Variants in AOX1 observed in about 807,000 individuals in gnomAD.
AOX1 encodes aldehyde oxidase.
A neutral mutation model predicts 169.5 loss-of-function variants in AOX1; 153 were observed. The ratio of observed to expected loss-of-function variants is 0.90; its 90% confidence interval spans 0.79 to 1.03. AOX1 has a LOEUF of 1.03. Ranked by LOEUF, AOX1 falls within the 50% of genes least tolerant of loss-of-function variation. The probability of loss-of-function intolerance (pLI) is 0.00; values close to 1 mark genes in which losing one functional copy is unlikely to be tolerated. For missense variants in AOX1, 1,656 were observed against 1,663.9 expected (o/e 1.00, Z 0.08); for synonymous variants, 562 against 581.9 (o/e 0.97, Z 0.49).
At chr2:200,659,099 G>C in intron 27 of AOX1, 66 bp from the exon 28 acceptor site, 1 of 1,522,676 alleles carries the variant, frequency 6.6e-7, no homozygotes, top group Non-Finnish European at 9.0e-7. Flanking sequence ...GTGTTACCAC[G>C]TGGGCATGTG....
At chr2:200,606,803 G>T (rs918698580) in intron 10 of AOX1, among the ~76,000 whole-genome samples, 1 of 152,114 alleles carries the variant, frequency 6.6e-6, no homozygotes, top group Non-Finnish European at 1.5e-5. Context: ...TGGTGTATTG[G>T]AATGCTTGTG....
rs1452988338 is a variant in AOX1, at chr2:200,609,124, A to G, written c.1048A>G (p.Arg350Gly). ...GGGAACTCTGGCTGGGTCCCAGATC[A>G]GGAACATGGCTGTATGTATCTGATG... ...HLGTLAGSQI[R>G]NMASLGGHII... is the part of the protein sequence containing the mutation. Residue 350 changes from arginine (R) to glycine (G), a missense_variant, in exon 11 of 35, where the codon AGG (arginine) becomes GGG (glycine). By Grantham distance (125) the Arg-to-Gly change is moderately radical (BLOSUM62 -2). Transcript: ENST00000374700. 1 of 1,613,978 alleles carries G rather than the reference A, an allele frequency of 6.2e-7. No homozygotes were observed. Among genetic ancestry groups the G allele is most frequent in the Non-Finnish European group, 8.5e-7 (1 of 1,180,002 alleles).
intron 20 of AOX1, among the ~76,000 whole-genome samples, chr2:200,629,894 C>A (rs1248252657): frequency 6.6e-6 from 1 of 151,958 alleles, no homozygotes; most frequent in Non-Finnish European, 1.5e-5. Flanking sequence ...TTGCTGCATA[C>A]CCCATTGATA....
At chr2:200,626,838 T>C (rs1180093137) in intron 19 of AOX1, among the ~76,000 whole-genome samples, 1 of 152,210 alleles carries the variant, frequency 6.6e-6, no homozygotes, top group Non-Finnish European at 1.5e-5. Context: ...GCTCTTCACG[T>C]CTTATTTCAT....
intron 19 of AOX1, among the ~76,000 whole-genome samples, chr2:200,625,409 A>G (rs1366814544): frequency 6.6e-6 from 1 of 152,186 alleles, no homozygotes; most frequent in Non-Finnish European, 1.5e-5. Flanking sequence ...CAATAAGCAA[A>G]TATAATAGAT....
chr2:200,612,771 T>A lies in AOX1; in HGVS notation c.1426T>A (p.Ser476Thr). The change falls in exon 14 of 35, where the codon TCC becomes ACC. Residue 476 changes from serine to threonine, a missense_variant. Transcript: ENST00000374700. The part of the protein sequence containing the change: ...VGPATICAKN[S>T]CQKLIGRHWN... ...TCCAGCCACCATCTGTGCCAAGAATTCCTGCCAGAAACTCATTGGAAGGTA... is the reference window on the plus strand; with the variant it reads ...TCCAGCCACCATCTGTGCCAAGAATACCTGCCAGAAACTCATTGGAAGGTA... 6.2e-7 allele frequency: 1 copy of A among 1,613,878 alleles called. No individual in the cohort carries two copies. Among genetic ancestry groups the A allele is most frequent in the Non-Finnish European group, 8.5e-7 (1 of 1,179,886 alleles).
At position 200,623,288 on chromosome 2, in the gene AOX1, C is replaced by T. The variant is rs562572377; in HGVS notation, c.2002-573C>T. ...TGAGCCTAGCTGCCCCACCTGCAGG[C>T]GAATAATCCTAGCTGTCAACCCCCC... is the stretch of plus-strand genomic sequence containing the variant. On this transcript the variant is annotated intron_variant, in intron 18 of 34. Transcript: ENST00000374700. Among the ~76,000 whole-genome samples the T allele has an allele frequency of 3.9e-5, 6 of 152,302 alleles. No homozygotes were observed. In the South Asian group the frequency reaches 6.2e-4, roughly 16 times the overall value.
chr2:200,642,509 GAA>G, intron 24 of AOX1, 99 bp from the exon 25 acceptor site: 2 of 881,994 alleles, frequency 2.3e-6, no homozygotes, highest in Non-Finnish European at 3.5e-6. Flanking sequence ...TAGATGAGAT[GAA>G]AAGAGAGCTG....
In AOX1 at chr2:200,586,164, G is replaced by A. The variant is rs761642289; in HGVS notation, c.45+11G>A. 3.2e-6 allele frequency: 5 copies of A among 1,554,930 alleles called. No homozygotes were observed. The Admixed American group carries it at 7.7e-5, about 24-fold the overall frequency. ...GTGAACGGCCGCAAGGTGAGCGCCC[G>A]CGGGCTTCCTCTGCCCCCAGACCTG... On this transcript the variant is annotated intron_variant, in intron 1 of 34. Transcript: ENST00000374700.
At chr2:200,677,803 A>G (rs1483698160), downstream of AOX1, among the ~76,000 whole-genome samples, 1 of 152,172 alleles carries the variant, frequency 6.6e-6, no homozygotes, top group Non-Finnish European at 1.5e-5. Context: ...GTGCAGCCCA[A>G]TATCCTTGTT....
chr2:200,669,450 C>CA (rs113983422), intron 33 of AOX1, 125 bp from the exon 34 acceptor site: 59,305 of 849,850 alleles, frequency 0.07, 63 homozygotes, highest in African/African-American at 0.085. Flanking sequence ...GACTCTGTCT[C>CA]AAAAAAAAAA....
chr2:200,637,598 C>T (rs967339072), intron 22 of AOX1, among the ~76,000 whole-genome samples: 14 of 151,330 alleles, frequency 9.3e-5, no homozygotes, highest in African/African-American at 3.2e-4. Flanking sequence ...TATACATATA[C>T]GTGTATGTAT....
chr2:200,668,209 G>A lies in AOX1; in HGVS notation c.3610-406G>A, dbSNP rs190336329. Among the ~76,000 whole-genome samples, 322 of 151,732 alleles carry A rather than the reference G, an allele frequency of 2.1e-3. 1 individual carries two copies. Among genetic ancestry groups the A allele is most frequent in the Middle Eastern group, 0.01 (3 of 294 alleles). On this transcript the variant is annotated intron_variant, in intron 32 of 34. Transcript: ENST00000374700. ...CAACCTCCGCCTCCCAGGTTCAAGC[G>A]ATTCTCCTGCCTCAGCCTCCCGAGT... is the stretch of plus-strand genomic sequence containing the variant.
At chr2:200,599,811 A>C in intron 5 of AOX1, 65 bp downstream of exon 5, 4 of 1,248,146 alleles carry the variant, frequency 3.2e-6, no homozygotes, top group South Asian at 2.6e-5. Flanking sequence ...TTGAGACGGA[A>C]TCTCACTCTG....
At chr2:200,609,290 A>G in intron 11 of AOX1, 31 bp from the exon 12 acceptor site, 1 of 1,607,380 alleles carries the variant, frequency 6.2e-7, no homozygotes, top group East Asian at 2.2e-5. Context: ...TTATGATTAC[A>G]TAAATGAAAA....
At chr2:200,586,852 G>A (rs952367605) in intron 1 of AOX1, among the ~76,000 whole-genome samples, 1 of 152,140 alleles carries the variant, frequency 6.6e-6, no homozygotes. Flanking sequence ...CCGATGTTTG[G>A]GAGAAGCAAA....
intron 32 of AOX1, among the ~76,000 whole-genome samples, chr2:200,668,183 G>A (rs113692662): frequency 1.4e-3 from 218 of 151,106 alleles, no homozygotes; most frequent in African/African-American, 4.8e-3. Context: ...TCAGCTCACC[G>A]CAACCTCCGC....
Position 200,612,107 on chromosome 2 carries a change from A to G in AOX1, c.1264-502A>G, listed in dbSNP as rs146686875. Among the ~76,000 whole-genome samples the G allele has an allele frequency of 6.6e-5, 10 of 152,286 alleles. No homozygotes were observed. The East Asian group carries it at 1.9e-3, about 29-fold the overall frequency. On this transcript the variant is annotated intron_variant, in intron 13 of 34. Transcript: ENST00000374700. ...GCCTTTCTCCCTAAATATGACATGAAGAGTATGCCTCTACCTATATCTTGG... is the reference window on the plus strand; with the variant it reads ...GCCTTTCTCCCTAAATATGACATGAGGAGTATGCCTCTACCTATATCTTGG...
chr2:200,627,604 T>A (rs1311581388), intron 20 of AOX1, among the ~76,000 whole-genome samples, 155 bp downstream of exon 20: 2 of 151,994 alleles, frequency 1.3e-5, no homozygotes, highest in Admixed American at 6.6e-5. Context: ...TGTGTTTCCC[T>A]CCGTCTCTGG....
Sources: allele counts gnomAD v4.1 joint callset (sites outside exome capture counted in the v4.1 genomes callset), GRCh38; gene constraint gnomAD v4.1.1; transcripts MANE v1.5; gene names NCBI Gene and HGNC (gene_info 2026-07-23, HGNC 2026-07-21).